USP9X: variants seen among roughly 807,000 people sequenced by gnomAD.
The protein encoded by USP9X is ubiquitin carboxyl-terminal hydrolase 9X.
Under a neutral mutation model 190.3 loss-of-function variants are expected in USP9X, and 7 were observed. The observed-to-expected ratio is 0.04, with a 90% CI of 0.02 to 0.07. The LOEUF is 0.07. Among genes scored for constraint, USP9X ranks in the 10% least tolerant of loss-of-function variants. USP9X has a pLI of 1.00. For missense variants in USP9X, 1,010 were observed against 1,916.9 expected (o/e 0.53, Z 8.83); for synonymous variants, 645 against 659.5 (o/e 0.98, Z 0.34).
chrX:41,086,777 C>T (rs896559032), intron 1 of USP9X, among the ~76,000 whole-genome samples: 6 of 112,676 alleles, frequency 5.3e-5, no homozygotes, highest in Non-Finnish European at 7.5e-5. Context: ...ATGCAGAAAT[C>T]GCTTCCAAGC....
rs905800969 is a variant in USP9X, at chrX:41,234,717, C to A, written c.*2193C>A. ...CTGGGATTAGAGGTGCCCACCACCA[C>A]GCCCAGCTAATTTTTGTATTTTTGT... On this transcript the variant is annotated 3_prime_UTR_variant, in exon 45 of 45. Transcript: ENST00000378308. 9.0e-6 allele frequency: 1 copy of A among 110,978 alleles called. No homozygotes were observed. Among genetic ancestry groups the A allele is most frequent in the African/African-American group, 3.3e-5 (1 of 30,444 alleles). The allele number at this position is 110,978 out of a possible 1,213,427, so 9.1% of individuals were successfully genotyped here.
At chrX:41,194,379 A>T (rs2062964004) in intron 26 of USP9X, among the ~76,000 whole-genome samples, 1 of 110,723 alleles carries the variant, frequency 9.0e-6, no homozygotes, top group South Asian at 3.9e-4. Context: ...ACATGGAAAA[A>T]CGCCGTCTCT....
rs1301706899 is a variant in USP9X at position 41,223,199 on chromosome X, C to T, written c.6566-18C>T. The T allele has an allele frequency of 2.5e-6, 3 of 1,202,381 alleles. No homozygotes were observed. The South Asian group carries it at 5.5e-5, about 22-fold the overall frequency. On this transcript the variant is annotated intron_variant, in intron 38 of 44. Coordinates refer to ENST00000378308, the MANE Select transcript of USP9X (RefSeq NM_001039591.3). ...TTCTCCCTCTCTTTCTTCTCCCCTTCACTCCTTTTTGTTGTAGGTGTGGCA... is the reference window on the plus strand; with the variant it reads ...TTCTCCCTCTCTTTCTTCTCCCCTTTACTCCTTTTTGTTGTAGGTGTGGCA...
At chrX:41,208,838 G>C (rs1190515482) in intron 32 of USP9X, among the ~76,000 whole-genome samples, 2 of 110,207 alleles carry the variant, frequency 1.8e-5, no homozygotes, top group African/African-American at 6.6e-5. Context: ...CTCCCGAGTA[G>C]CTGGGACTAC....
chrX:41,201,463 G>T (rs1276905789), intron 31 of USP9X, among the ~76,000 whole-genome samples, 183 bp downstream of exon 31: 2 of 111,071 alleles, frequency 1.8e-5, no homozygotes, highest in Non-Finnish European at 3.8e-5. Context: ...GATTGCTTGA[G>T]CCTGGGAGCT....
chrX:41,191,842 GT>G (rs1437534808), intron 26 of USP9X, among the ~76,000 whole-genome samples: 1 of 112,049 alleles, frequency 8.9e-6, no homozygotes, highest in Non-Finnish European at 1.9e-5. Context: ...AAAAGTGAAG[GT>G]TTTGTGCAGG....
In USP9X at chrX:41,203,904, G is replaced by T. The variant is rs141673527; in HGVS notation, c.4825-1399G>T. 6.8e-4 allele frequency among the ~76,000 whole-genome samples: 76 copies of T among 111,155 alleles called. 3 individuals carry two copies. The East Asian group carries it at 0.011, about 16-fold the overall frequency. On this transcript the variant is annotated intron_variant, in intron 31 of 44. Coordinates refer to ENST00000378308, the MANE Select transcript of USP9X (RefSeq NM_001039591.3). ...GTAGAGATGGGATTTCACCATATTG[G>T]CCAGGCTGGTCTCGAACTCCTGATT...
At chrX:41,209,516 G>A (rs915587373) in intron 32 of USP9X, among the ~76,000 whole-genome samples, 1 of 111,619 alleles carries the variant, frequency 9.0e-6, no homozygotes, top group Non-Finnish European at 1.9e-5. Flanking sequence ...ATTATTAAGT[G>A]ATATTAATTT....
intron 24 of USP9X, among the ~76,000 whole-genome samples, chrX:41,187,203 C>G (rs1048710259): frequency 8.9e-6 from 1 of 112,275 alleles, no homozygotes; most frequent in Non-Finnish European, 1.9e-5. Flanking sequence ...TTTCATCACT[C>G]TTTATGCACT....
Position 41,181,272 on chromosome X carries a change from C to CTT in USP9X, c.3149-2706_3149-2705dup, listed in dbSNP as rs769952292. On this transcript the variant is annotated intron_variant, in intron 21 of 44. Transcript: ENST00000378308. ...ATAGCTTAAATGCTATTTCTCATTT[C>CTT]TTTTTTTTTTTTTTTTTTTTTAAAG... 1.4e-3 allele frequency among the ~76,000 whole-genome samples: 102 copies of CTT among 75,403 alleles called. 1 individual carries two copies. Among genetic ancestry groups the CTT allele is most frequent in the Middle Eastern group, 7.3e-3 (1 of 137 alleles). 65.5% of individuals were successfully genotyped at this position (75,403 alleles called of 115,157 possible).
intron 13 of USP9X, among the ~76,000 whole-genome samples, chrX:41,151,802 G>A (rs1262473961): frequency 3.6e-5 from 4 of 112,444 alleles, no homozygotes; most frequent in Admixed American, 9.4e-5. Context: ...CCAACATGGC[G>A]AAACCCCGTC....
rs767329666 is a variant in USP9X, at chrX:41,169,935, G to A, written c.2637-60G>A. 42 of 1,177,886 alleles carry A rather than the reference G, an allele frequency of 3.6e-5. 1 individual carries two copies. In the East Asian group the frequency reaches 1.2e-3, roughly 33 times the overall value. On this transcript the variant is annotated intron_variant, in intron 18 of 44. Transcript: ENST00000378308. ...GTTAAATCCCCAGCATTATTTTCTT[G>A]GCAACAAAATTTCAGAGTCTGCTGA...
rs986073111 is a variant in USP9X, at chrX:41,101,106, A to G, written c.-159+14997A>G. On this transcript the variant is annotated intron_variant, in intron 1 of 44. Coordinates refer to ENST00000378308, the MANE Select transcript of USP9X (RefSeq NM_001039591.3). ...CTGAATTTAAATATTTTCGTCTTTTATATACTATATTTTAAATTTTTAATG... is the reference window on the plus strand; with the variant it reads ...CTGAATTTAAATATTTTCGTCTTTTGTATACTATATTTTAAATTTTTAATG... 1.9e-4 allele frequency among the ~76,000 whole-genome samples: 21 copies of G among 111,790 alleles called. 1 individual carries two copies. Among genetic ancestry groups the G allele is most frequent in the African/African-American group, 6.5e-4 (20 of 30,858 alleles).
In USP9X at chrX:41,223,332, A is replaced by G. The variant is rs1366265383; in HGVS notation, c.6681A>G (p.Lys2227=). 6 of 1,210,285 alleles carry G rather than the reference A, an allele frequency of 5.0e-6. No individual in the cohort carries two copies. The highest frequency in any genetic ancestry group is 1.7e-5 in the African/African-American group (1 of 57,300). The change falls in exon 39 of 45, where the codon AAA becomes AAG. Residue 2227 remains lysine (K), a synonymous_variant. Transcript: ENST00000378308. ...AATACCAGTATGCTGAATTAGGCAA[A>G]TTATACTCAGTAGTGTCACAGCTGA... ...PIKYQYAELG[K]LYSVVSQLIR... is the part of the protein sequence containing the mutation.
At chrX:41,157,740 CAAAT>C (rs1166775067) in intron 14 of USP9X, among the ~76,000 whole-genome samples, 1 of 111,359 alleles carries the variant, frequency 9.0e-6, no homozygotes, top group African/African-American at 3.3e-5. Context: ...GGCATGCAAA[CAAAT>C]GGGAAGATGG....
chrX:41,114,554 C>T (rs1412720397), intron 1 of USP9X, among the ~76,000 whole-genome samples: 7 of 104,627 alleles, frequency 6.7e-5, no homozygotes, highest in East Asian at 3.0e-4. Flanking sequence ...GATCTTAGCT[C>T]GCTGCAACCT....
intron 1 of USP9X, among the ~76,000 whole-genome samples, chrX:41,104,602 A>G (rs2062056143): frequency 9.0e-6 from 1 of 111,475 alleles, no homozygotes; most frequent in Admixed American, 9.6e-5. Context: ...GATTATATTT[A>G]TAGGGACCCT....
chrX:41,129,501 T>C, intron 3 of USP9X, among the ~76,000 whole-genome samples: 1 of 111,908 alleles, frequency 8.9e-6, no homozygotes, highest in Non-Finnish European at 1.9e-5. Flanking sequence ...CCTAGTGAAC[T>C]CTTGACTAGT....
chrX:41,098,107 T>A (rs1464637989), intron 1 of USP9X, among the ~76,000 whole-genome samples: 1 of 109,884 alleles, frequency 9.1e-6, no homozygotes, highest in East Asian at 2.8e-4. Context: ...TGCCTCTACC[T>A]CCTCCCTGTA....
Sources: allele counts gnomAD v4.1 joint callset (sites outside exome capture counted in the v4.1 genomes callset), GRCh38; gene constraint gnomAD v4.1.1; transcripts MANE v1.5; gene names NCBI Gene and HGNC (gene_info 2026-07-23, HGNC 2026-07-21).